E2F3: variants seen among roughly 807,000 people sequenced by gnomAD.
E2F3 encodes the protein E2F transcription factor 3.
A neutral mutation model predicts 44.4 loss-of-function variants in E2F3; 11 were observed. The ratio of observed to expected loss-of-function variants is 0.25; its 90% CI spans 0.16 to 0.41. The LOEUF is 0.41. E2F3 is among the 10% of genes least tolerant of loss of function. The pLI is 1.00. For synonymous variants in E2F3, 249 were observed against 253.0 expected (o/e 0.98, Z 0.15); for missense variants, 487 against 583.6 (o/e 0.83, Z 1.70).
chr6:20,416,749 TG>T (rs1759860351), intron 1 of E2F3, among the ~76,000 whole-genome samples: 1 of 152,226 alleles, frequency 6.6e-6, no homozygotes, highest in Non-Finnish European at 1.5e-5. Context: ...AGGCCGTAAC[TG>T]GGCTGCAATG....
intron 1 of E2F3, among the ~76,000 whole-genome samples, chr6:20,433,512 C>T (rs1760473445): frequency 6.6e-6 from 1 of 152,050 alleles, no homozygotes. Flanking sequence ...TGACTGTCAC[C>T]CATAGAAATA....
intron 1 of E2F3, among the ~76,000 whole-genome samples, chr6:20,457,348 CTTTTTTTTTTT>C (rs60238519): frequency 1.8e-5 from 2 of 109,486 alleles, no homozygotes; most frequent in African/African-American, 7.1e-5. Context: ...CTTATTTTTT[CTTTTTTTTTTT>C]TTTTTTTTTA....
intron 1 of E2F3, among the ~76,000 whole-genome samples, chr6:20,460,996 C>CAAAAAAAA (rs61306918): frequency 3.6e-5 from 2 of 55,498 alleles, no homozygotes; most frequent in African/African-American, 1.5e-4. Flanking sequence ...ACTCTATCTC[C>CAAAAAAAA]AAAAAAAAAA....
intron 1 of E2F3, among the ~76,000 whole-genome samples, chr6:20,419,529 TTTTA>T (rs142847666): frequency 0.14 from 21,712 of 150,254 alleles, 4,466 homozygotes; most frequent in African/African-American, 0.47. Flanking sequence ...TAGTACCTCC[TTTTA>T]TTTATTTATT....
chr6:20,466,266 C>T (rs1323862947), intron 1 of E2F3, among the ~76,000 whole-genome samples: 8 of 152,112 alleles, frequency 5.3e-5, no homozygotes, highest in Non-Finnish European at 1.0e-4. Context: ...ATGCACACCA[C>T]CACGCCCGGC....
chr6:20,435,753 AAAAT>A (rs1252432890), intron 1 of E2F3, among the ~76,000 whole-genome samples: 2 of 152,176 alleles, frequency 1.3e-5, no homozygotes, highest in South Asian at 2.1e-4. Flanking sequence ...CCGTCTCAAA[AAAAT>A]AAATAAATAA....
chr6:20,478,416 T>C (rs1230906987), intron 1 of E2F3, among the ~76,000 whole-genome samples: 1 of 152,232 alleles, frequency 6.6e-6, no homozygotes, highest in African/African-American at 2.4e-5. Context: ...TAGTAGACGG[T>C]GCAGGGTTAG....
intron 2 of E2F3, among the ~76,000 whole-genome samples, chr6:20,480,481 T>C (rs1182862706): frequency 6.6e-6 from 1 of 152,220 alleles, no homozygotes; most frequent in Non-Finnish European, 1.5e-5. Context: ...CCATTATGTA[T>C]GTGTTTGCAT....
At chr6:20,465,873 A>G (rs536740306) in intron 1 of E2F3, among the ~76,000 whole-genome samples, 113 of 152,164 alleles carry the variant, frequency 7.4e-4, no homozygotes, top group African/African-American at 2.5e-3. Context: ...GTTGGTTCCA[A>G]TTTTTGCAAT....
intron 1 of E2F3, among the ~76,000 whole-genome samples, chr6:20,419,923 T>A (rs1324548627): frequency 6.6e-6 from 1 of 152,210 alleles, no homozygotes; most frequent in Non-Finnish European, 1.5e-5. Context: ...TGGAGTGCAG[T>A]GGTGCAGTCT....
rs895362853 is a variant in E2F3 at position 20,402,963 on chromosome 6, C to T, written c.393+338C>T. 3.9e-5 allele frequency among the ~76,000 whole-genome samples: 6 copies of T among 152,086 alleles called. No homozygotes were observed. The highest frequency in any genetic ancestry group is 9.6e-5 in the African/African-American group (4 of 41,510). On this transcript the variant is annotated intron_variant, in intron 1 of 6. Coordinates refer to ENST00000346618, the MANE Select transcript of E2F3 (RefSeq NM_001949.5). This position sits in a 1 kb window ranked among gnomAD's most constrained non-coding sequence, Gnocchi z 5.6. ...CTCCAACTCGAAGCTTCCTCTTTCT[C>T]GGGCGTAGGAAGGGGTCACGCCCCG...
At chr6:20,439,955 AGG>A (rs1760719464) in intron 1 of E2F3, 1 of 152,230 alleles carries the variant, frequency 6.6e-6, no homozygotes, top group African/African-American at 2.4e-5. Context: ...TTCTTTCTGT[AGG>A]TTTGAGTTTT....
chr6:20,423,802 C>G (rs573544701), intron 1 of E2F3, among the ~76,000 whole-genome samples: 5 of 151,246 alleles, frequency 3.3e-5, no homozygotes, highest in African/African-American at 9.7e-5. Flanking sequence ...GAGTTTCGCT[C>G]TTGTTGCCCA....
chr6:20,434,358 T>C (rs985385771), intron 1 of E2F3, among the ~76,000 whole-genome samples: 15 of 152,334 alleles, frequency 9.8e-5, no homozygotes, highest in African/African-American at 2.9e-4. Flanking sequence ...CTTAACAGTT[T>C]GCTATCTGTA....
chr6:20,486,920 C>T (rs1762412474), intron 5 of E2F3, 117 bp downstream of exon 5: 1 of 637,022 alleles, frequency 1.6e-6, no homozygotes, highest in Non-Finnish European at 2.7e-6. Flanking sequence ...ATGGTTCTTT[C>T]CCATTTATTT....
At chr6:20,485,042 T>C (rs535460101) in intron 4 of E2F3, among the ~76,000 whole-genome samples, 2 of 152,156 alleles carry the variant, frequency 1.3e-5, no homozygotes, top group African/African-American at 4.8e-5. Context: ...ATTAAACATA[T>C]TAGATCACGG....
At chr6:20,440,984 A>G (rs1235673736) in intron 1 of E2F3, among the ~76,000 whole-genome samples, 1 of 152,192 alleles carries the variant, frequency 6.6e-6, no homozygotes, top group Non-Finnish European at 1.5e-5. Flanking sequence ...GAGGCCCAAA[A>G]TCCAGTGTGG....
intron 4 of E2F3, among the ~76,000 whole-genome samples, chr6:20,483,839 G>C (rs757545075): frequency 6.6e-6 from 1 of 152,224 alleles, no homozygotes; most frequent in Non-Finnish European, 1.5e-5. Context: ...GTTCTGCCCA[G>C]ATTCTTCTAG....
chr6:20,440,710 T>G (rs538153440), intron 1 of E2F3, among the ~76,000 whole-genome samples: 6 of 152,224 alleles, frequency 3.9e-5, no homozygotes, highest in Non-Finnish European at 7.3e-5. Context: ...TATTTTCCTT[T>G]GGAAGGAGAG....
Sources: allele counts gnomAD v4.1 joint callset (sites outside exome capture counted in the v4.1 genomes callset), GRCh38; gene constraint gnomAD v4.1.1; non-coding constraint Gnocchi (gnomAD v3.1); transcripts MANE v1.5; gene names NCBI Gene and HGNC (gene_info 2026-07-23, HGNC 2026-07-21).